SLC10A7: variants seen among roughly 807,000 people sequenced by gnomAD.
SLC10A7 encodes the protein solute carrier family 10 member 7.
In SLC10A7, 29 loss-of-function variants were observed where a neutral mutation model predicts 43.2. That is an observed-to-expected ratio of 0.67 (90% CI 0.50 to 0.92). SLC10A7 has a LOEUF of 0.92. Ranked by LOEUF, SLC10A7 falls within the 40% of genes least tolerant of loss-of-function variation. The pLI, the probability that SLC10A7 is intolerant of heterozygous loss-of-function variation, is 0.00. For synonymous variants in SLC10A7, 152 were observed against 144.8 expected, an observed-to-expected ratio of 1.05 and a Z score of -0.35; for missense variants, 295 against 403.2, an observed-to-expected ratio of 0.73 and a Z score of 2.30.
chr4:146,416,040 T>G (rs1728536313), intron 5 of SLC10A7, among the ~76,000 whole-genome samples: 1 of 152,192 alleles, frequency 6.6e-6, no homozygotes, highest in Non-Finnish European at 1.5e-5. Context: ...CCAGACATAC[T>G]CTATACCTAT....
At chr4:146,350,455 A>T (rs1374219174) in intron 5 of SLC10A7, among the ~76,000 whole-genome samples, 10 of 140,156 alleles carry the variant, frequency 7.1e-5, no homozygotes, top group African/African-American at 2.2e-4. Flanking sequence ...AGGCTGGGGG[A>T]GGGGCGCCCG....
chr4:146,516,585 A>C (rs1163734056), intron 2 of SLC10A7, among the ~76,000 whole-genome samples: 2 of 151,872 alleles, frequency 1.3e-5, no homozygotes, highest in Non-Finnish European at 2.9e-5. Flanking sequence ...GCTAAGGAAC[A>C]ATAAGCTTTT....
intron 4 of SLC10A7, among the ~76,000 whole-genome samples, chr4:146,492,046 T>C (rs563823216): frequency 3.2e-4 from 48 of 152,038 alleles, no homozygotes; most frequent in Non-Finnish European, 6.0e-4. Context: ...TGAAACCCCA[T>C]TTCTACTAAA....
intron 5 of SLC10A7, among the ~76,000 whole-genome samples, chr4:146,422,491 G>A (rs1579146188): frequency 6.6e-6 from 1 of 152,108 alleles, no homozygotes; most frequent in East Asian, 1.9e-4. Flanking sequence ...GAAAGAGAGA[G>A]TATAACATTT....
Position 146,510,069 on chromosome 4 carries a change from A to C in SLC10A7, c.184-20T>G. ...CAGCTCCTGGAAAAATTAAGGAAAC[A>C]AAATAAACAAAGGTAAGAAAACTAT... is the stretch of plus-strand genomic sequence containing the variant. On this transcript the variant is annotated intron_variant, in intron 2 of 11. Transcript: ENST00000335472. 1 of 1,587,420 alleles carries C rather than the reference A, an allele frequency of 6.3e-7. No individual in the cohort carries two copies. Among genetic ancestry groups the C allele is most frequent in the Non-Finnish European group, 8.5e-7 (1 of 1,170,532 alleles).
intron 10 of SLC10A7, among the ~76,000 whole-genome samples, chr4:146,269,456 T>C (rs1211185807): frequency 6.6e-6 from 1 of 152,230 alleles, no homozygotes; most frequent in African/African-American, 2.4e-5. Context: ...AGATTACTTT[T>C]TCCTTTTCTA....
At chr4:146,490,618 G>A (rs970703988) in intron 4 of SLC10A7, among the ~76,000 whole-genome samples, 4 of 152,114 alleles carry the variant, frequency 2.6e-5, no homozygotes, top group African/African-American at 9.7e-5. Flanking sequence ...CATTGTCTCA[G>A]GGTCCACATT....
intron 5 of SLC10A7, among the ~76,000 whole-genome samples, chr4:146,400,430 T>C (rs962070014): frequency 6.6e-6 from 1 of 152,156 alleles, no homozygotes; most frequent in Non-Finnish European, 1.5e-5. Context: ...GGCGGTGTTA[T>C]AAGAGCACGA....
intron 5 of SLC10A7, among the ~76,000 whole-genome samples, chr4:146,403,133 G>T (rs1208448080): frequency 6.6e-6 from 1 of 152,170 alleles, no homozygotes; most frequent in Non-Finnish European, 1.5e-5. Flanking sequence ...AGTTATTGTA[G>T]TAGTCTTTGT....
chr4:146,495,766 AACACACACACACACAC>A (rs57202992), intron 4 of SLC10A7, among the ~76,000 whole-genome samples: 9 of 139,628 alleles, frequency 6.4e-5, no homozygotes, highest in South Asian at 2.4e-4. Context: ...GATGAAAGTA[AACACACACACACACAC>A]ACACACACAC....
chr4:146,338,800 C>T (rs1254316952), intron 5 of SLC10A7, among the ~76,000 whole-genome samples: 1 of 151,858 alleles, frequency 6.6e-6, no homozygotes, highest in Non-Finnish European at 1.5e-5. Flanking sequence ...ATATTATTTA[C>T]CATACATATA....
intron 5 of SLC10A7, among the ~76,000 whole-genome samples, chr4:146,348,577 T>C (rs1003854863): frequency 9.9e-5 from 15 of 152,176 alleles, no homozygotes; most frequent in African/African-American, 3.4e-4. Flanking sequence ...TGTAGGGTAT[T>C]TGACAAGCTT....
At chr4:146,513,737 C>T (rs576509813) in intron 2 of SLC10A7, among the ~76,000 whole-genome samples, 1 of 152,294 alleles carries the variant, frequency 6.6e-6, no homozygotes, top group Non-Finnish European at 1.5e-5. Flanking sequence ...ATATATTTTC[C>T]ATATCTTCTG....
intron 10 of SLC10A7, among the ~76,000 whole-genome samples, chr4:146,268,656 G>A (rs552077970): frequency 1.4e-3 from 219 of 152,300 alleles, no homozygotes; most frequent in African/African-American, 4.8e-3. Flanking sequence ...TCACATCCAT[G>A]ATGAGTGAAA....
intron 7 of SLC10A7, among the ~76,000 whole-genome samples, chr4:146,299,857 C>G (rs573243924): frequency 6.6e-6 from 1 of 152,140 alleles, no homozygotes; most frequent in Non-Finnish European, 1.5e-5. Context: ...AGCTCAGCTG[C>G]TCCAGTAGAA....
At chr4:146,328,137 G>A (rs908648127) in intron 5 of SLC10A7, among the ~76,000 whole-genome samples, 3 of 152,112 alleles carry the variant, frequency 2.0e-5, no homozygotes, top group South Asian at 2.1e-4. Flanking sequence ...ACACCCTCTA[G>A]GGCACTAAGA....
intron 9 of SLC10A7, among the ~76,000 whole-genome samples, chr4:146,289,989 C>T (rs62327819): frequency 0.79 from 116,341 of 147,352 alleles, 46,961 homozygotes; most frequent in African/African-American, 0.94. Context: ...GCTGGGATTA[C>T]AGGCGTGAGC....
At chr4:146,489,402 CTT>C (rs941958969) in intron 4 of SLC10A7, among the ~76,000 whole-genome samples, 3 of 152,172 alleles carry the variant, frequency 2.0e-5, no homozygotes, top group Non-Finnish European at 4.4e-5. Context: ...TTCTTAGTCT[CTT>C]TTTGTGTCAG....
chr4:146,491,779 C>CCTCTTGGCACT (rs1206602621), intron 4 of SLC10A7, among the ~76,000 whole-genome samples: 4 of 151,628 alleles, frequency 2.6e-5, no homozygotes, highest in African/African-American at 7.3e-5. Flanking sequence ...CCTGCAAGGC[C>CCTCTTGGCACT]AGTATCTTGG....
Sources: allele counts gnomAD v4.1 joint callset (sites outside exome capture counted in the v4.1 genomes callset), GRCh38; gene constraint gnomAD v4.1.1; transcripts MANE v1.5; gene names NCBI Gene and HGNC (gene_info 2026-07-23, HGNC 2026-07-21).